BRINP3: variants seen among roughly 807,000 people sequenced by gnomAD.
The protein encoded by BRINP3 is BMP/retinoic acid inducible neural specific 3, also known as BMP/retinoic acid-inducible neural-specific protein 3.
A neutral mutation model predicts 71.0 loss-of-function variants in BRINP3; 19 were observed. The observed-to-expected ratio is 0.27, with a 90% CI of 0.19 to 0.39. The LOEUF (loss-of-function observed/expected upper bound fraction) is 0.39. Among genes scored for constraint, BRINP3 ranks in the 10% least tolerant of loss-of-function variants. The pLI is 1.00. For synonymous variants in BRINP3, 380 were observed against 337.7 expected, an observed-to-expected ratio of 1.13 and a Z score of -1.37; for missense variants, 959 against 940.8, an observed-to-expected ratio of 1.02 and a Z score of -0.25.
intron 1 of BRINP3, 116 bp downstream of exon 1, chr1:190,477,332 G>T (rs1677565709): frequency 6.6e-6 from 1 of 152,138 alleles, no homozygotes; most frequent in Non-Finnish European, 1.5e-5. Flanking sequence ...TGGCCATATG[G>T]ATCTTTCAGT....
chr1:190,351,184 C>T (rs191109966), intron 2 of BRINP3, among the ~76,000 whole-genome samples: 148 of 152,008 alleles, frequency 9.7e-4, no homozygotes, highest in African/African-American at 3.4e-3. Context: ...AGAATAAAAA[C>T]CTTTTCTCAT....
chr1:190,214,046 CAT>C (rs898762468), intron 6 of BRINP3, among the ~76,000 whole-genome samples: 1 of 151,990 alleles, frequency 6.6e-6, no homozygotes, highest in African/African-American at 2.4e-5. Flanking sequence ...AAGAATCACT[CAT>C]AGGTTGGAGC....
At chr1:190,192,952 G>C (rs1247970610) in intron 6 of BRINP3, among the ~76,000 whole-genome samples, 1 of 151,922 alleles carries the variant, frequency 6.6e-6, no homozygotes, top group Non-Finnish European at 1.5e-5. Context: ...ATTTTCATTT[G>C]GTGAGTGATA....
rs114973096 is a variant in BRINP3, at chr1:190,112,584, A to C, written c.1185-13450T>G. On this transcript the variant is annotated intron_variant, in intron 7 of 7. Coordinates refer to ENST00000367462, the MANE Select transcript of BRINP3 (RefSeq NM_199051.3). Reference sequence around the variant, plus strand: ...GATTATGAAAAACAATTTGAAAATTAATAAGTACATACTGAATTTTTAATC... The same window carrying C: ...GATTATGAAAAACAATTTGAAAATTCATAAGTACATACTGAATTTTTAATC... 2.5e-3 allele frequency among the ~76,000 whole-genome samples: 374 copies of C among 152,312 alleles called. 1 individual carries two copies. The highest frequency in any genetic ancestry group is 8.6e-3 in the African/African-American group (358 of 41,568).
intron 7 of BRINP3, among the ~76,000 whole-genome samples, chr1:190,135,156 G>C (rs931334727): frequency 6.6e-6 from 1 of 152,014 alleles, no homozygotes. Flanking sequence ...CTGCATTTGT[G>C]ATAACAAATG....
rs146246435 is a variant in BRINP3, at chr1:190,235,938, C to A, written c.619-1461G>T. Among the ~76,000 whole-genome samples, 54 of 151,956 alleles carry A rather than the reference C, an allele frequency of 3.6e-4. No individual in the cohort carries two copies. The East Asian group carries it at 9.1e-3, about 26-fold the overall frequency. On this transcript the variant is annotated intron_variant, in intron 4 of 7. Transcript: ENST00000367462. ...ATGAGAGCTCCACATTCTAAAAATGCGGGAGTTTTTGTCTATTTTGTTCAC... is the reference window on the plus strand; with the variant it reads ...ATGAGAGCTCCACATTCTAAAAATGAGGGAGTTTTTGTCTATTTTGTTCAC...
At chr1:190,263,447 TTAAG>T (rs1466365851) in intron 4 of BRINP3, among the ~76,000 whole-genome samples, 1 of 152,162 alleles carries the variant, frequency 6.6e-6, no homozygotes, top group African/African-American at 2.4e-5. Flanking sequence ...GTCATATTGT[TTAAG>T]TAACCCTTAA....
At chr1:190,118,757 CAATCAATTGTAAAAGATCCAT>C (rs1653365113) in intron 7 of BRINP3, among the ~76,000 whole-genome samples, 1 of 152,154 alleles carries the variant, frequency 6.6e-6, no homozygotes, top group African/African-American at 2.4e-5. Flanking sequence ...ATTAAAACAT[CAATCAATTGTAAAAGATCCAT>C]ATATACATGA....
intron 2 of BRINP3, among the ~76,000 whole-genome samples, chr1:190,370,324 C>A (rs1669779092): frequency 6.6e-6 from 1 of 152,024 alleles, no homozygotes; most frequent in Admixed American, 6.6e-5. Context: ...ATTTAAGAAA[C>A]CAATTTAACA....
intron 2 of BRINP3, among the ~76,000 whole-genome samples, chr1:190,286,036 T>G (rs1358839597): frequency 6.6e-6 from 1 of 152,134 alleles, no homozygotes; most frequent in Non-Finnish European, 1.5e-5. Context: ...AATCGTTAGT[T>G]TAATGTAACT....
chr1:190,441,576 T>G (rs1674822319), intron 2 of BRINP3, among the ~76,000 whole-genome samples: 1 of 152,106 alleles, frequency 6.6e-6, no homozygotes, highest in African/African-American at 2.4e-5. Context: ...AAGATATTTG[T>G]CAGTGATGCA....
At chr1:190,141,471 C>T (rs1039025270) in intron 7 of BRINP3, among the ~76,000 whole-genome samples, 10 of 151,478 alleles carry the variant, frequency 6.6e-5, no homozygotes. Context: ...AATTTTATAA[C>T]TGTATAACCT....
intron 2 of BRINP3, among the ~76,000 whole-genome samples, chr1:190,372,468 C>T (rs1016515972): frequency 3.3e-5 from 5 of 152,158 alleles, no homozygotes; most frequent in Non-Finnish European, 7.3e-5. Context: ...GCTCAGGTTA[C>T]AACCCCATAT....
intron 4 of BRINP3, among the ~76,000 whole-genome samples, chr1:190,241,456 T>C (rs1571473127): frequency 6.6e-6 from 1 of 151,984 alleles, no homozygotes; most frequent in East Asian, 1.9e-4. Context: ...GCTTAATCAA[T>C]GTAATTAATT....
At chr1:190,212,438 A>G (rs1240926185) in intron 6 of BRINP3, among the ~76,000 whole-genome samples, 1 of 152,138 alleles carries the variant, frequency 6.6e-6, no homozygotes, top group Non-Finnish European at 1.5e-5. Flanking sequence ...CTACAGATAC[A>G]TCTCATTTTC....
chr1:190,170,690 A>G (rs1651936041), intron 6 of BRINP3, among the ~76,000 whole-genome samples: 1 of 152,194 alleles, frequency 6.6e-6, no homozygotes, highest in Admixed American at 6.5e-5. Flanking sequence ...TAACTTATGG[A>G]TGAGAAAATG....
At chr1:190,266,629 C>T (rs1021849660) in intron 3 of BRINP3, among the ~76,000 whole-genome samples, 6 of 152,102 alleles carry the variant, frequency 3.9e-5, no homozygotes, top group Non-Finnish European at 5.9e-5. Context: ...AAATCCCCTA[C>T]AATCATTCTC....
At position 190,277,087 on chromosome 1, in the gene BRINP3, TTATATATA is replaced by T. The variant is rs1222129309; in HGVS notation, c.427+4465_427+4472del. On this transcript the variant is annotated intron_variant, in intron 3 of 7. Coordinates refer to ENST00000367462, the MANE Select transcript of BRINP3 (RefSeq NM_199051.3). ...TTTGATCCTGAAATAAATTTTGGTT[TTATATATA>T]TATATATATATATATATATATATTT... 2.9e-3 allele frequency among the ~76,000 whole-genome samples: 106 copies of T among 36,036 alleles called. 12 individuals are homozygous for T. Among genetic ancestry groups the T allele is most frequent in the Admixed American group, 0.017 (33 of 1,956 alleles). The allele number at this position is 36,036 out of a possible 152,430, so 23.6% of individuals were successfully genotyped here.
chr1:190,221,163 A>G (rs1484525045), intron 6 of BRINP3, among the ~76,000 whole-genome samples: 4 of 152,162 alleles, frequency 2.6e-5, no homozygotes, highest in African/African-American at 9.7e-5. Flanking sequence ...GGTTGCAGTG[A>G]GCTGAGATCG....
Sources: allele counts gnomAD v4.1 joint callset (sites outside exome capture counted in the v4.1 genomes callset), GRCh38; gene constraint gnomAD v4.1.1; transcripts MANE v1.5; gene names NCBI Gene and HGNC (gene_info 2026-07-23, HGNC 2026-07-21).